Variants in HS6ST3 observed in about 807,000 individuals in gnomAD.
HS6ST3 encodes heparan-sulfate 6-O-sulfotransferase 3.
HS6ST3 carries 12 observed loss-of-function variants against 36.7 expected under a neutral mutation model. The observed-to-expected ratio is 0.33, with a 90% CI of 0.21 to 0.53. The LOEUF (loss-of-function observed/expected upper bound fraction) is 0.53, where lower values mean the gene tolerates loss of function less well. Ranked by LOEUF, HS6ST3 falls within the 20% of genes least tolerant of loss-of-function variation. The probability of loss-of-function intolerance (pLI) is 0.95; values close to 1 mark genes in which losing one functional copy is unlikely to be tolerated. For missense variants in HS6ST3, 584 were observed against 640.9 expected (o/e 0.91, Z 0.96); for synonymous variants, 240 against 257.5 (o/e 0.93, Z 0.65).
At chr13:96,646,588 A>C (rs1008910728) in intron 1 of HS6ST3, among the ~76,000 whole-genome samples, 1 of 152,064 alleles carries the variant, frequency 6.6e-6, no homozygotes, top group African/African-American at 2.4e-5. Context: ...CAGTAATTCA[A>C]TTAGGTGAAT....
intron 1 of HS6ST3, among the ~76,000 whole-genome samples, chr13:96,421,370 G>A (rs2055561359): frequency 6.6e-6 from 1 of 152,132 alleles, no homozygotes; most frequent in Non-Finnish European, 1.5e-5. Context: ...AAATCTTCAG[G>A]GGAGGGAAAA....
chr13:96,830,470 T>C (rs1346621951), intron 1 of HS6ST3, among the ~76,000 whole-genome samples: 3 of 152,238 alleles, frequency 2.0e-5, no homozygotes, highest in African/African-American at 4.8e-5. Context: ...CATTCCTCAA[T>C]AGACTCCTAC....
intron 1 of HS6ST3, among the ~76,000 whole-genome samples, chr13:96,818,226 A>G (rs940003317): frequency 6.6e-6 from 1 of 152,208 alleles, no homozygotes; most frequent in African/African-American, 2.4e-5. Context: ...TATCATGCAT[A>G]TATTTTTCTA....
At chr13:96,196,290 C>T (rs774539376) in intron 1 of HS6ST3, among the ~76,000 whole-genome samples, 5 of 152,130 alleles carry the variant, frequency 3.3e-5, no homozygotes, top group South Asian at 4.2e-4. Flanking sequence ...GCTTCAGTTT[C>T]GTAGCTGGTC....
intron 1 of HS6ST3, among the ~76,000 whole-genome samples, chr13:96,401,652 G>C (rs2055451853): frequency 6.6e-6 from 1 of 152,104 alleles, no homozygotes; most frequent in African/African-American, 2.4e-5. Flanking sequence ...TCGGCTCACT[G>C]CAACCTCCAC....
rs1024343003 is a variant in HS6ST3, at chr13:96,130,274, G to A, written c.707+38705G>A. Among the ~76,000 whole-genome samples, 57 of 152,140 alleles carry A rather than the reference G, an allele frequency of 3.7e-4. 1 individual carries two copies. The highest frequency in any genetic ancestry group is 3.1e-3 in the Admixed American group (48 of 15,276). The stretch of plus-strand genomic sequence containing the variant: ...CTTTGCTTTGGTTGAAAGGGCATGC[G>A]TGTGGTGCTGGGAGGGCATTGGTGG... On this transcript the variant is annotated intron_variant, in intron 1 of 1. Coordinates refer to ENST00000376705, the MANE Select transcript of HS6ST3 (RefSeq NM_153456.4).
At chr13:96,229,503 A>G (rs186311473) in intron 1 of HS6ST3, among the ~76,000 whole-genome samples, 1 of 152,256 alleles carries the variant, frequency 6.6e-6, no homozygotes, top group Admixed American at 6.5e-5. Flanking sequence ...TGGTGTCTTC[A>G]TGTGGTGGAG....
chr13:96,505,749 T>C (rs1289034490), intron 1 of HS6ST3, among the ~76,000 whole-genome samples: 1 of 152,144 alleles, frequency 6.6e-6, no homozygotes, highest in Non-Finnish European at 1.5e-5. Flanking sequence ...AGAAAAGATA[T>C]ACATCTCTTC....
intron 1 of HS6ST3, among the ~76,000 whole-genome samples, chr13:96,119,876 GAA>G (rs34371079): frequency 1.7e-4 from 24 of 144,026 alleles, no homozygotes; most frequent in African/African-American, 5.9e-4. Flanking sequence ...AATATAATAG[GAA>G]AAAAAAAAAA....
intron 1 of HS6ST3, among the ~76,000 whole-genome samples, chr13:96,399,955 C>T (rs2055441076): frequency 6.6e-6 from 1 of 152,180 alleles, no homozygotes; most frequent in African/African-American, 2.4e-5. Context: ...ACCCTCTGCT[C>T]CAGAACCCAA....
chr13:96,191,912 G>C (rs1444607852), intron 1 of HS6ST3, among the ~76,000 whole-genome samples: 1 of 152,122 alleles, frequency 6.6e-6, no homozygotes, highest in Non-Finnish European at 1.5e-5. Context: ...AACCTAAGTA[G>C]AGTCAGGCAT....
intron 1 of HS6ST3, among the ~76,000 whole-genome samples, chr13:96,262,723 T>G (rs2054672253): frequency 6.6e-6 from 1 of 152,128 alleles, no homozygotes; most frequent in South Asian, 2.1e-4. Context: ...CTCTTTAGCT[T>G]TCAAGAAAGG....
intron 1 of HS6ST3, among the ~76,000 whole-genome samples, chr13:96,319,751 A>G (rs1175973604): frequency 1.3e-5 from 2 of 152,236 alleles, no homozygotes; most frequent in East Asian, 3.8e-4. Context: ...CAAGCTTGTT[A>G]TGACTTTTGC....
chr13:96,227,472 G>A (rs902798527), intron 1 of HS6ST3, among the ~76,000 whole-genome samples: 8 of 152,246 alleles, frequency 5.3e-5, no homozygotes, highest in Middle Eastern at 3.4e-3. Context: ...TACATCTCCC[G>A]TTGTTTGATC....
At chr13:96,753,899 A>G (rs775725526) in intron 1 of HS6ST3, among the ~76,000 whole-genome samples, 2 of 152,068 alleles carry the variant, frequency 1.3e-5, no homozygotes, top group Non-Finnish European at 2.9e-5. Flanking sequence ...GCCTCACTGC[A>G]ACCTGCGCCT....
chr13:96,563,808 A>G (rs1003750678), intron 1 of HS6ST3, among the ~76,000 whole-genome samples: 2 of 152,278 alleles, frequency 1.3e-5, no homozygotes, highest in Non-Finnish European at 2.9e-5. Context: ...TGGAAGAGAA[A>G]TGAGCCCAAT....
At chr13:96,499,370 C>A (rs1255813856) in intron 1 of HS6ST3, among the ~76,000 whole-genome samples, 1 of 152,104 alleles carries the variant, frequency 6.6e-6, no homozygotes, top group East Asian at 1.9e-4. Flanking sequence ...GCACATAGTA[C>A]ATATCAGGCA....
intron 1 of HS6ST3, among the ~76,000 whole-genome samples, chr13:96,663,438 A>C (rs1259861745): frequency 3.3e-5 from 5 of 152,202 alleles, no homozygotes; most frequent in Non-Finnish European, 5.9e-5. Flanking sequence ...ATGCAAATTA[A>C]AGCCACAGTT....
At chr13:96,405,772 A>G (rs901196610) in intron 1 of HS6ST3, among the ~76,000 whole-genome samples, 1 of 152,206 alleles carries the variant, frequency 6.6e-6, no homozygotes, top group Non-Finnish European at 1.5e-5. Context: ...ACAGGTTTGC[A>G]AGAACAGTAG....
Sources: allele counts gnomAD v4.1 joint callset (sites outside exome capture counted in the v4.1 genomes callset), GRCh38; gene constraint gnomAD v4.1.1; transcripts MANE v1.5; gene names NCBI Gene and HGNC (gene_info 2026-07-23, HGNC 2026-07-21).